JRK: variants seen among roughly 807,000 people sequenced by gnomAD.
JRK encodes the protein jerky protein homolog.
For missense variants in JRK, 720 were observed against 509.2 expected (o/e 1.41, Z -3.98); for synonymous variants, 303 against 218.1 (o/e 1.39, Z -3.43).
chr8:142,650,050 C>A, the JRK span, among the ~76,000 whole-genome samples: 1 of 152,266 alleles, frequency 6.6e-6, no homozygotes, highest in African/African-American at 2.4e-5. Flanking sequence ...CCAGTGTGAC[C>A]TGGATGTGAA....
chr8:142,645,322 A>G, the JRK span, among the ~76,000 whole-genome samples: 1 of 152,172 alleles, frequency 6.6e-6, no homozygotes, highest in Non-Finnish European at 1.5e-5. Flanking sequence ...TTTTTTTCTA[A>G]GCAAACCAAA....
In JRK at chr8:142,664,992, C is replaced by A; in HGVS notation, c.1067G>T (p.Arg356Leu). 1.4e-6 allele frequency: 1 copy of A among 725,240 alleles called. No individual in the cohort carries two copies. Among genetic ancestry groups the A allele is most frequent in the South Asian group, 1.5e-5 (1 of 68,164 alleles). 44.9% of individuals were successfully genotyped at this position (725,240 alleles called of 1,614,324 possible). ...PPVPLQGPHARYNMNDAIFSV... is the reference protein window; with the variant it reads ...PPVPLQGPHALYNMNDAIFSV... ...GAATATGGCATCGTTCATGTTGTAG[C>A]GGGCGTGGGGGCCCTGCAGGGGGAC... Residue 356 changes from arginine (R) to leucine (L), a missense_variant, in exon 2 of 2, where the codon CGC becomes CTC. Coordinates refer to ENST00000612905, the MANE Select transcript of JRK (RefSeq NM_003724.4).
Position 142,664,898 on chromosome 8 carries a change from C to T in JRK, c.1161G>A (p.Pro387=), listed in dbSNP as rs587653714. The change falls in exon 2 of 2, where the codon CCG becomes CCA. Residue 387 remains proline (P), a synonymous_variant. Transcript: ENST00000612905. Reference sequence around the variant, plus strand: ...AGGAGCCTTCGGCAAACGCAACCGACGGCCACAGCTTCCTCCAGGCCCGCC... The same window carrying T: ...AGGAGCCTTCGGCAAACGCAACCGATGGCCACAGCTTCCTCCAGGCCCGCC... ...VFRRAWRKLW[P]SVAFAEGSSS... is the part of the protein sequence containing the mutation. 237 of 1,151,116 alleles carry T rather than the reference C, an allele frequency of 2.1e-4. 2 individuals are homozygous for T. The South Asian group carries it at 2.6e-3, about 13-fold the overall frequency. The allele number at this position is 1,151,116 out of a possible 1,614,324, so 71.3% of individuals were successfully genotyped here.
At chr8:142,666,978 G>A (rs1217564893) in intron 1 of JRK, among the ~76,000 whole-genome samples, 2 of 152,200 alleles carry the variant, frequency 1.3e-5, no homozygotes, top group Non-Finnish European at 2.9e-5. Flanking sequence ...GAGGAGCAGA[G>A]GCAGGGGTGG....
rs782611542 is a variant in JRK, at chr8:142,665,989, CCTT to C, written c.67_69del (p.Lys23del). On this transcript the variant is annotated inframe_deletion, in exon 2 of 2. Coordinates refer to ENST00000612905, the MANE Select transcript of JRK (RefSeq NM_003724.4). ...AGGCGCGTGCAGATGTCAATCTTCT[CCTT>C]CAGTGTCAGCACCACCCTCTTCCGC... The C allele has an allele frequency of 7.9e-7, 1 of 1,269,218 alleles. No individual in the cohort carries two copies. The allele number at this position is 1,269,218 out of a possible 1,614,324, so 78.6% of individuals were successfully genotyped here.
the JRK span, among the ~76,000 whole-genome samples, chr8:142,644,952 A>C: frequency 6.6e-6 from 1 of 152,228 alleles, no homozygotes; most frequent in Non-Finnish European, 1.5e-5. Context: ...GTCTTGCATC[A>C]GTGTACTTTT....
chr8:142,661,147 G>T lies in JRK; in HGVS notation c.*3205C>A. On this transcript the variant is annotated 3_prime_UTR_variant, in exon 2 of 2. Coordinates refer to ENST00000612905, the MANE Select transcript of JRK (RefSeq NM_003724.4). ...GAAGTCACGCACAGACAGGCCCAGG[G>T]CAAGGTCTGCTCTAGACCCTCCTAT... 1.0e-6 allele frequency: 1 copy of T among 985,484 alleles called. No homozygotes were observed. Among genetic ancestry groups the T allele is most frequent in the Non-Finnish European group, 1.2e-6 (1 of 829,962 alleles). 61.0% of individuals were successfully genotyped at this position (985,484 alleles called of 1,614,324 possible).
In JRK at chr8:142,661,065, A is replaced by G. The variant is rs4736367; in HGVS notation, c.*3287T>C. On this transcript the variant is annotated 3_prime_UTR_variant, in exon 2 of 2. Transcript: ENST00000612905. ...AACAGTGGCCTGCGACGTCAGGGGC[A>G]GTCCAGGTGCTCTCCATCGCATGCT... 651,947 of 985,194 alleles carry G rather than the reference A, an allele frequency of 0.66. 219,015 individuals are homozygous for G. Among genetic ancestry groups the G allele is most frequent in the Admixed American group, 0.69 (11,261 of 16,270 alleles). 61.0% of individuals were successfully genotyped at this position (985,194 alleles called of 1,614,324 possible). A position where few individuals can be genotyped will look rare whatever the true frequency, so the allele number is the denominator to read the frequency against.
chr8:142,645,722 C>G, the JRK span, among the ~76,000 whole-genome samples: 1 of 151,992 alleles, frequency 6.6e-6, no homozygotes, highest in Non-Finnish European at 1.5e-5. Context: ...CTGTGACTTA[C>G]ACAGACCATT....
rs782761021 is a variant in JRK, at chr8:142,665,760, T to C, written c.299A>G (p.Lys100Arg). The C allele has an allele frequency of 1.3e-6, 1 of 776,436 alleles. No homozygotes were observed. The allele number at this position is 776,436 out of a possible 1,614,324, so 48.1% of individuals were successfully genotyped here. The change falls in exon 2 of 2, where the codon AAG becomes AGG. Residue 100 changes from lysine (K) to arginine (R), a missense_variant. Coordinates refer to ENST00000612905, the MANE Select transcript of JRK (RefSeq NM_003724.4). ...DRVLYEWFLGKRSEGVPVSGP... is the reference protein window; with the variant it reads ...DRVLYEWFLGRRSEGVPVSGP... ...TGACACGGGGACGCCCTCGGAGCGC[T>C]TCCCCAGGAACCACTCGTACAGGAC... is the stretch of plus-strand genomic sequence containing the variant.
In JRK at chr8:142,662,695, A is replaced by G; in HGVS notation, c.*1657T>C. 1.0e-6 allele frequency: 1 copy of G among 985,496 alleles called. No homozygotes were observed. Among genetic ancestry groups the G allele is most frequent in the Non-Finnish European group, 1.2e-6 (1 of 829,946 alleles). The allele number at this position is 985,496 out of a possible 1,614,324, so 61.0% of individuals were successfully genotyped here. On this transcript the variant is annotated 3_prime_UTR_variant, in exon 2 of 2. Coordinates refer to ENST00000612905, the MANE Select transcript of JRK (RefSeq NM_003724.4). The stretch of plus-strand genomic sequence containing the variant: ...TTGCCCCTGTATCTACAGAGATGTG[A>G]AAGTACGAGAAACCACAGCGAGCCA...
rs1299764383 is a variant in JRK at position 142,658,703 on chromosome 8, T to C, written c.*5649A>G. ...TCCTGGGGGTCAGGGTTTCAACATA[T>C]AAACTTTGGGGGGGGACACAAACAT... On this transcript the variant is annotated 3_prime_UTR_variant, in exon 2 of 2. Transcript: ENST00000612905. 2.2e-6 allele frequency: 3 copies of C among 1,364,892 alleles called. No homozygotes were observed. Among genetic ancestry groups the C allele is most frequent in the Non-Finnish European group, 2.9e-6 (3 of 1,037,800 alleles). 84.5% of individuals were successfully genotyped at this position (1,364,892 alleles called of 1,614,324 possible).
intron 1 of JRK, among the ~76,000 whole-genome samples, chr8:142,668,787 T>A (rs12546978): frequency 0.6 from 90,482 of 150,936 alleles, 28,345 homozygotes; most frequent in Admixed American, 0.69. Context: ...CAGTGTGTTC[T>A]GCCAGTTTGT....
intron 1 of JRK, among the ~76,000 whole-genome samples, chr8:142,669,128 G>C (rs1554636758): frequency 6.6e-6 from 1 of 151,674 alleles, no homozygotes; most frequent in African/African-American, 2.4e-5. Flanking sequence ...TGAGAAACGC[G>C]GGGGGAAAGC....
At chr8:142,648,505 CAG>C in the JRK span, among the ~76,000 whole-genome samples, 2 of 152,276 alleles carry the variant, frequency 1.3e-5, no homozygotes, top group Non-Finnish European at 2.9e-5. Context: ...GTCATGGCTT[CAG>C]AGTGTGCAAG....
downstream of JRK, among the ~76,000 whole-genome samples, chr8:142,657,308 T>G (rs1846773895): frequency 6.6e-6 from 1 of 152,132 alleles, no homozygotes; most frequent in Admixed American, 6.5e-5. Flanking sequence ...GTGTGCTTTC[T>G]GGAGGCAGAC....
At position 142,665,851 on chromosome 8, in the gene JRK, C is replaced by T. The variant is rs1554635923; in HGVS notation, c.208G>A (p.Asp70Asn). Residue 70 changes from aspartate (D) to asparagine (N), a missense_variant, in exon 2 of 2, where the codon GAC (aspartate) becomes AAC (asparagine). Coordinates refer to ENST00000612905, the MANE Select transcript of JRK (RefSeq NM_003724.4). Reference protein sequence around the residue: ...AQLLRFFASSDSNKALEQRRT... With the variant: ...AQLLRFFASSNSNKALEQRRT... ...CGCTGCTCCAGCGCCTTGTTGGAGTCGGAGCTGGCGAAGAACCGGAGCAGC... is the reference window on the plus strand; with the variant it reads ...CGCTGCTCCAGCGCCTTGTTGGAGTTGGAGCTGGCGAAGAACCGGAGCAGC... 1.3e-6 allele frequency: 1 copy of T among 779,984 alleles called. No individual in the cohort carries two copies. Among genetic ancestry groups the T allele is most frequent in the Non-Finnish European group, 2.4e-6 (1 of 418,384 alleles). 48.3% of individuals were successfully genotyped at this position (779,984 alleles called of 1,614,324 possible).
chr8:142,664,182 A>G lies in JRK; in HGVS notation c.*170T>C. On this transcript the variant is annotated 3_prime_UTR_variant, in exon 2 of 2. Coordinates refer to ENST00000612905, the MANE Select transcript of JRK (RefSeq NM_003724.4). Reference sequence around the variant, plus strand: ...ACCTGTATTGACAGGAACCTCGGGCACAGACCGTCCTGGGCACCCGAGCCA... The same window carrying G: ...ACCTGTATTGACAGGAACCTCGGGCGCAGACCGTCCTGGGCACCCGAGCCA... 7.2e-7 allele frequency: 1 copy of G among 1,380,978 alleles called. No individual in the cohort carries two copies. Among genetic ancestry groups the G allele is most frequent in the Non-Finnish European group, 9.4e-7 (1 of 1,067,122 alleles). The allele number at this position is 1,380,978 out of a possible 1,614,324, so 85.5% of individuals were successfully genotyped here.
the JRK span, among the ~76,000 whole-genome samples, chr8:142,645,998 CA>C: frequency 1.1e-5 from 1 of 94,786 alleles, no homozygotes; most frequent in Admixed American, 1.3e-4. Flanking sequence ...TAAAAGCACA[CA>C]CTTTTTTTTA....
Sources: gnomAD v4.1 joint callset for allele counts (sites outside exome capture counted in the v4.1 genomes callset) on GRCh38, gnomAD v4.1.1 for gene constraint, MANE v1.5 for transcripts, NCBI Gene and HGNC (gene_info 2026-07-23, HGNC 2026-07-21) for gene names.